The following SEMA5A variants were observed in gnomAD, a reference collection of about 807,000 sequenced individuals.
SEMA5A encodes semaphorin 5A, also known as semaphorin-5A.
Under a neutral mutation model 135.5 loss-of-function variants are expected in SEMA5A, and 55 were observed. That is an observed-to-expected ratio of 0.41 (90% confidence interval 0.33 to 0.51). SEMA5A has a LOEUF of 0.51. Ranked by LOEUF, SEMA5A falls within the 20% of genes least tolerant of loss-of-function variation. The pLI is 0.37. For synonymous variants in SEMA5A, 580 were observed against 546.5 expected, an observed-to-expected ratio of 1.06 and a Z score of -0.85; for missense variants, 1,290 against 1,419.9, an observed-to-expected ratio of 0.91 and a Z score of 1.47.
chr5:9,424,177 A>T (rs1196341065), intron 2 of SEMA5A, among the ~76,000 whole-genome samples: 1 of 152,236 alleles, frequency 6.6e-6, no homozygotes, highest in African/African-American at 2.4e-5. Flanking sequence ...ATTGTGAGAA[A>T]AAAAAAGGCA....
At chr5:9,185,473 G>A (rs1744755828) in intron 11 of SEMA5A, among the ~76,000 whole-genome samples, 1 of 152,152 alleles carries the variant, frequency 6.6e-6, no homozygotes, top group Non-Finnish European at 1.5e-5. Flanking sequence ...GTGTGTGTAT[G>A]TCTTCTTCCT....
intron 11 of SEMA5A, among the ~76,000 whole-genome samples, chr5:9,183,774 T>C (rs1300341495): frequency 6.6e-6 from 1 of 152,240 alleles, no homozygotes; most frequent in Non-Finnish European, 1.5e-5. Flanking sequence ...CCACAACGTC[T>C]TTCCTGAGGT....
At chr5:9,282,393 C>T (rs146292394) in intron 5 of SEMA5A, among the ~76,000 whole-genome samples, 41 of 152,180 alleles carry the variant, frequency 2.7e-4, no homozygotes, top group African/African-American at 8.7e-4. Flanking sequence ...TTTGTCTCTG[C>T]GGTTTTCAGT....
chr5:9,428,012 G>A (rs1393685203), intron 2 of SEMA5A, among the ~76,000 whole-genome samples: 3 of 150,940 alleles, frequency 2.0e-5, no homozygotes, highest in Admixed American at 6.6e-5. Flanking sequence ...TTATATAGGT[G>A]GATATTCTAT....
intron 2 of SEMA5A, among the ~76,000 whole-genome samples, chr5:9,423,418 G>A (rs1757538162): frequency 6.6e-6 from 1 of 152,128 alleles, no homozygotes; most frequent in Non-Finnish European, 1.5e-5. Context: ...TACAAACTAT[G>A]CGCAGCCTTT....
intron 4 of SEMA5A, among the ~76,000 whole-genome samples, chr5:9,320,136 G>A (rs764896431): frequency 2.1e-4 from 32 of 152,190 alleles, no homozygotes; most frequent in Non-Finnish European, 3.7e-4. Context: ...TCTCTAAACC[G>A]AGTGAAAACA....
chr5:9,140,680 GAC>G (rs1379741934), intron 12 of SEMA5A, among the ~76,000 whole-genome samples: 1 of 152,114 alleles, frequency 6.6e-6, no homozygotes, highest in Non-Finnish European at 1.5e-5. Context: ...TTCTTTTATT[GAC>G]AAAATAACAT....
chr5:9,406,884 C>T lies in SEMA5A; in HGVS notation c.-77-26861G>A, dbSNP rs535739520. 2.0e-5 allele frequency among the ~76,000 whole-genome samples: 3 copies of T among 152,202 alleles called. No homozygotes were observed. The South Asian group carries it at 6.2e-4, about 32-fold the overall frequency. ...TCAGTAAAAGTTAGACAGTTATTAC[C>T]ATGGAATTTGGAAAATGGAAAATTA... On this transcript the variant is annotated intron_variant, in intron 2 of 22. Coordinates refer to ENST00000382496, the MANE Select transcript of SEMA5A (RefSeq NM_003966.3).
At chr5:9,467,765 G>A (rs766782863) in intron 1 of SEMA5A, among the ~76,000 whole-genome samples, 15 of 152,290 alleles carry the variant, frequency 9.8e-5, no homozygotes, top group Non-Finnish European at 2.1e-4. Context: ...GCAGGCCTAA[G>A]CCCGCCCTGG....
chr5:9,424,183 AG>A (rs200858436), intron 2 of SEMA5A, among the ~76,000 whole-genome samples: 2 of 152,244 alleles, frequency 1.3e-5, no homozygotes, highest in Non-Finnish European at 2.9e-5. Flanking sequence ...AGAAAAAAAA[AG>A]GCAAAATAAG....
intron 19 of SEMA5A, among the ~76,000 whole-genome samples, chr5:9,053,507 T>G (rs1736710504): frequency 6.6e-6 from 1 of 152,200 alleles, no homozygotes; most frequent in South Asian, 2.1e-4. Context: ...TGAAGCATCC[T>G]GCAAGAGTGC....
chr5:9,081,352 AAAC>A (rs1349090859), intron 16 of SEMA5A, among the ~76,000 whole-genome samples: 1 of 152,202 alleles, frequency 6.6e-6, no homozygotes, highest in Non-Finnish European at 1.5e-5. Context: ...ATGTAGTATT[AAAC>A]AACTGAATTT....
Position 9,259,225 on chromosome 5 carries a change from C to T in SEMA5A, c.271-21335G>A, listed in dbSNP as rs529275061. ...CAATGGAAGAGAGAAATGCAAACTGCTTCTGGGCAAAATTTGCTTTTAATA... is the reference window on the plus strand; with the variant it reads ...CAATGGAAGAGAGAAATGCAAACTGTTTCTGGGCAAAATTTGCTTTTAATA... On this transcript the variant is annotated intron_variant, in intron 5 of 22. Transcript: ENST00000382496. Among the ~76,000 whole-genome samples, 7 of 152,304 alleles carry T rather than the reference C, an allele frequency of 4.6e-5. No homozygotes were observed. In the South Asian group the frequency reaches 1.4e-3, roughly 32 times the overall value.
In SEMA5A at chr5:9,063,119, A is replaced by G. The variant is rs1320002763; in HGVS notation, c.2300-14T>C. ...CCCCAGAAAGCCCTGCCAAGGAAAC[A>G]GGTGAAGTGTGATTCTGTTACAAGT... On this transcript the variant is annotated splice_polypyrimidine_tract_variant and intron_variant, in intron 17 of 22. Coordinates refer to ENST00000382496, the MANE Select transcript of SEMA5A (RefSeq NM_003966.3). 1 of 1,601,270 alleles carries G rather than the reference A, an allele frequency of 6.2e-7. No individual in the cohort carries two copies. The highest frequency in any genetic ancestry group is 1.3e-5 in the African/African-American group (1 of 74,570).
intron 3 of SEMA5A, among the ~76,000 whole-genome samples, chr5:9,338,117 C>A (rs903569570): frequency 6.6e-6 from 1 of 152,196 alleles, no homozygotes; most frequent in African/African-American, 2.4e-5. Context: ...AATAACACAG[C>A]ATTCACATGA....
At chr5:9,067,106 G>A (rs1414308409) in intron 16 of SEMA5A, among the ~76,000 whole-genome samples, 5 of 152,174 alleles carry the variant, frequency 3.3e-5, no homozygotes, top group African/African-American at 1.2e-4. Context: ...TGGTAGGGGA[G>A]CCACAAGATA....
intron 4 of SEMA5A, among the ~76,000 whole-genome samples, chr5:9,328,204 G>A (rs3797980): frequency 0.16 from 24,753 of 151,974 alleles, 2,325 homozygotes; most frequent in African/African-American, 0.25. Context: ...GAACTGAAAC[G>A]TGTCTCAAAT....
At chr5:9,149,247 T>C (rs991682797) in intron 12 of SEMA5A, among the ~76,000 whole-genome samples, 2 of 152,196 alleles carry the variant, frequency 1.3e-5, no homozygotes, top group Admixed American at 1.3e-4. Context: ...CAACAGAGAC[T>C]GGACATCTGT....
chr5:9,452,620 T>C (rs1758687427), intron 1 of SEMA5A, among the ~76,000 whole-genome samples: 1 of 152,224 alleles, frequency 6.6e-6, no homozygotes, highest in African/African-American at 2.4e-5. Flanking sequence ...CTGCATTTTT[T>C]AATCCAGACC....
Sources: allele counts gnomAD v4.1 joint callset (sites outside exome capture counted in the v4.1 genomes callset), GRCh38; gene constraint gnomAD v4.1.1; transcripts MANE v1.5; gene names NCBI Gene and HGNC (gene_info 2026-07-23, HGNC 2026-07-21).